The following ZDHHC15 variants were observed in gnomAD, a reference collection of about 807,000 sequenced individuals.
ZDHHC15 encodes zDHHC palmitoyltransferase 15.
A neutral mutation model predicts 31.7 loss-of-function variants in ZDHHC15; 19 were observed. The ratio of observed to expected loss-of-function variants is 0.60; its 90% CI spans 0.42 to 0.88. The LOEUF is 0.88. ZDHHC15 is among the 40% of genes least tolerant of loss of function. The pLI, the probability that ZDHHC15 is intolerant of heterozygous loss-of-function variation, is 0.00. For missense variants in ZDHHC15, 209 were observed against 251.2 expected, an observed-to-expected ratio of 0.83 and a Z score of 1.14; for synonymous variants, 103 against 90.0, an observed-to-expected ratio of 1.14 and a Z score of -0.82.
chrX:75,490,349 G>C (rs1011759050), intron 2 of ZDHHC15, among the ~76,000 whole-genome samples: 12 of 111,720 alleles, frequency 1.1e-4, no homozygotes, highest in Non-Finnish European at 1.5e-4. Flanking sequence ...AGAAAGGTCG[G>C]ATTACCCACA....
chrX:75,433,514 T>C (rs944955767), intron 4 of ZDHHC15, among the ~76,000 whole-genome samples: 60 of 110,174 alleles, frequency 5.4e-4, no homozygotes, highest in African/African-American at 1.9e-3. Context: ...TCACTCATAA[T>C]TGAAAACATA....
intron 3 of ZDHHC15, among the ~76,000 whole-genome samples, chrX:75,464,341 G>A (rs2084369236): frequency 9.0e-6 from 1 of 110,835 alleles, no homozygotes; most frequent in Non-Finnish European, 1.9e-5. Flanking sequence ...TGTAAATGAC[G>A]AGTTAATGGG....
intron 10 of ZDHHC15, among the ~76,000 whole-genome samples, chrX:75,380,956 C>G (rs923512410): frequency 1.8e-5 from 2 of 111,265 alleles, no homozygotes; most frequent in Admixed American, 1.9e-4. Context: ...TGTGAAGTGA[C>G]TTTGGCAGTA....
chrX:75,404,122 G>A (rs1175049566), intron 10 of ZDHHC15, among the ~76,000 whole-genome samples: 1 of 111,689 alleles, frequency 9.0e-6, no homozygotes, highest in Non-Finnish European at 1.9e-5. Flanking sequence ...AATAAACAAT[G>A]GGGAAAAGAC....
At chrX:75,480,234 T>A (rs2084668529) in intron 2 of ZDHHC15, among the ~76,000 whole-genome samples, 1 of 111,366 alleles carries the variant, frequency 9.0e-6, no homozygotes, top group African/African-American at 3.3e-5. Flanking sequence ...TTTTTGTAAC[T>A]ATGAAATCTC....
At chrX:75,495,542 CAAT>C (rs1244074492) in intron 2 of ZDHHC15, among the ~76,000 whole-genome samples, 4 of 110,729 alleles carry the variant, frequency 3.6e-5, no homozygotes, top group African/African-American at 1.3e-4. Flanking sequence ...AAATATCCAA[CAAT>C]GATAGACTGG....
At chrX:75,479,727 T>A (rs984748687) in intron 2 of ZDHHC15, among the ~76,000 whole-genome samples, 12 of 111,674 alleles carry the variant, frequency 1.1e-4, no homozygotes, top group Non-Finnish European at 2.3e-4. Context: ...ATGTACACAT[T>A]ATTTAGCTTC....
At chrX:75,458,742 G>A (rs2084263657) in intron 3 of ZDHHC15, among the ~76,000 whole-genome samples, 1 of 109,430 alleles carries the variant, frequency 9.1e-6, no homozygotes, top group South Asian at 4.1e-4. Context: ...ATTCTCCAAT[G>A]AACTGAACAA....
chrX:75,454,080 G>T (rs752029758), intron 3 of ZDHHC15, among the ~76,000 whole-genome samples: 1 of 111,571 alleles, frequency 9.0e-6, no homozygotes, highest in East Asian at 2.8e-4. Flanking sequence ...ATTCAAATAG[G>T]AAAAGAGGAA....
At chrX:75,480,675 ACT>A (rs2084675881) in intron 2 of ZDHHC15, among the ~76,000 whole-genome samples, 1 of 111,100 alleles carries the variant, frequency 9.0e-6, no homozygotes, top group Non-Finnish European at 1.9e-5. Flanking sequence ...TTCGATACAC[ACT>A]GTTTTGTACC....
intron 5 of ZDHHC15, among the ~76,000 whole-genome samples, chrX:75,430,700 C>A (rs753259562): frequency 2.7e-5 from 3 of 111,545 alleles, no homozygotes; most frequent in Non-Finnish European, 3.8e-5. Context: ...AACAATTTTA[C>A]AGTGGTGAAA....
chrX:75,430,239 G>C (rs1459589043), intron 5 of ZDHHC15, among the ~76,000 whole-genome samples: 2 of 111,411 alleles, frequency 1.8e-5, no homozygotes, highest in Non-Finnish European at 3.8e-5. Context: ...GGAAACTCCA[G>C]ATTATTAATA....
intron 2 of ZDHHC15, among the ~76,000 whole-genome samples, chrX:75,491,527 A>T (rs1216719274): frequency 1.9e-5 from 2 of 106,228 alleles, no homozygotes; most frequent in Admixed American, 1.0e-4. Context: ...CTAATGCTAA[A>T]TGACGAGCTA....
intron 10 of ZDHHC15, among the ~76,000 whole-genome samples, chrX:75,395,326 AC>A (rs887891854): frequency 1.5e-4 from 17 of 112,041 alleles, no homozygotes; most frequent in Admixed American, 4.7e-4. Flanking sequence ...CACAAAAAAA[AC>A]ATTAGATCTG....
intron 2 of ZDHHC15, among the ~76,000 whole-genome samples, chrX:75,489,162 G>A (rs748872320): frequency 1.2e-4 from 13 of 111,951 alleles, no homozygotes; most frequent in South Asian, 3.7e-4. Flanking sequence ...TCCACCTCTG[G>A]GGGCAGGGCA....
intron 5 of ZDHHC15, among the ~76,000 whole-genome samples, 174 bp from the exon 6 acceptor site, chrX:75,430,154 T>G (rs2083762553): frequency 8.9e-6 from 1 of 111,866 alleles, no homozygotes; most frequent in Non-Finnish European, 1.9e-5. Flanking sequence ...TAGGATGAGG[T>G]AATCACAACA....
intron 3 of ZDHHC15, among the ~76,000 whole-genome samples, chrX:75,471,946 T>C (rs1480612919): frequency 9.0e-6 from 1 of 111,727 alleles, no homozygotes; most frequent in African/African-American, 3.3e-5. Context: ...TGGGCTTTGG[T>C]GGAAACTGAA....
chrX:75,424,929 GTTCT>G, intron 7 of ZDHHC15, 145 bp from the exon 8 acceptor site: 2 of 662,093 alleles, frequency 3.0e-6, no homozygotes, highest in Non-Finnish European at 4.2e-6. Flanking sequence ...TTATAATATG[GTTCT>G]TTCTGTCAAT....
intron 2 of ZDHHC15, among the ~76,000 whole-genome samples, chrX:75,496,390 G>T (rs891269553): frequency 9.0e-6 from 1 of 111,203 alleles, no homozygotes; most frequent in Non-Finnish European, 1.9e-5. Flanking sequence ...AAGATAGATG[G>T]CAACACAGCA....
Sources: allele counts gnomAD v4.1 joint callset (sites outside exome capture counted in the v4.1 genomes callset), GRCh38; gene constraint gnomAD v4.1.1; transcripts MANE v1.5; gene names NCBI Gene and HGNC (gene_info 2026-07-23, HGNC 2026-07-21).